PTS: variants seen among roughly 807,000 people sequenced by gnomAD.
The protein encoded by PTS is 6-pyruvoyltetrahydropterin synthase.
PTS carries 23 observed loss-of-function variants against 20.6 expected under a neutral mutation model. The ratio of observed to expected loss-of-function variants is 1.12; its 90% CI spans 0.80 to 1.58. The LOEUF (loss-of-function observed/expected upper bound fraction) is 1.58, where lower values mean the gene tolerates loss of function less well. Among genes scored for constraint, PTS ranks in the 40% most tolerant of loss-of-function variants. PTS has a pLI of 0.00. For synonymous variants in PTS, 65 were observed against 62.5 expected (o/e 1.04, Z -0.19); for missense variants, 186 against 182.4 (o/e 1.02, Z -0.11).
chr11:112,233,145 C>T lies in PTS; in HGVS notation c.244-18C>T, dbSNP rs1414632642. 6.2e-7 allele frequency: 1 copy of T among 1,606,170 alleles called. No homozygotes were observed. The highest frequency in any genetic ancestry group is 8.5e-7 in the Non-Finnish European group (1 of 1,172,900). On this transcript the variant is annotated intron_variant, in intron 4 of 5. Transcript: ENST00000280362. ...CGTAAATGGAGTCAATGATATTTTC[C>T]CTTGGTTTTGTCTCTAGGAGGCGAT...
At chr11:112,229,460 C>CAGA in intron 2 of PTS, 1 of 151,054 alleles carries the variant, frequency 6.6e-6, no homozygotes, top group Non-Finnish European at 1.5e-5. Context: ...GGTGTGATCT[C>CAGA]CCGTCACTAC....
At chr11:112,230,018 C>G (rs1859909686) in intron 2 of PTS, 190 bp from the exon 3 acceptor site, 1 of 641,476 alleles carries the variant, frequency 1.6e-6, no homozygotes, top group Non-Finnish European at 2.7e-6. Flanking sequence ...TTGTGTCTTG[C>G]TTTGGTTGCT....
rs558944919 is a variant in PTS at position 112,227,786 on chromosome 11, C to T, written c.84-808C>T. ...CCACTTCCATGAGCCAAACATCTCC[C>T]ACTAGGCCCCATCTCCAACACTGGG... is the stretch of plus-strand genomic sequence containing the variant. On this transcript the variant is annotated intron_variant, in intron 1 of 5. Transcript: ENST00000280362. Among the ~76,000 whole-genome samples, 11 of 152,262 alleles carry T rather than the reference C, an allele frequency of 7.2e-5. No individual in the cohort carries two copies. In the South Asian group the frequency reaches 2.1e-3, roughly 29 times the overall value.
intron 2 of PTS, chr11:112,229,130 T>G (rs1859900039): frequency 5.5e-6 from 1 of 180,372 alleles, no homozygotes; most frequent in African/African-American, 2.4e-5. Context: ...GAGACTTGAT[T>G]CTTTGAGGTA....
chr11:112,227,060 G>T (rs111991945), intron 1 of PTS, among the ~76,000 whole-genome samples: 2 of 130,956 alleles, frequency 1.5e-5, no homozygotes, highest in East Asian at 4.3e-4. Context: ...GTGGCTAGGA[G>T]AAAAAAAAAA....
At chr11:112,232,915 T>C (rs1437808298) in intron 4 of PTS, among the ~76,000 whole-genome samples, 2 of 152,262 alleles carry the variant, frequency 1.3e-5, no homozygotes, top group African/African-American at 2.4e-5. Context: ...CCAGGAATTC[T>C]CTGCTTTTTG....
chr11:112,228,340 C>G, intron 1 of PTS: 1 of 524,508 alleles, frequency 1.9e-6, no homozygotes, highest in Non-Finnish European at 3.4e-6. Context: ...TGCTGTGGAA[C>G]AAGGGGGTTG....
In PTS at chr11:112,226,453, G is replaced by A; in HGVS notation, c.10G>A (p.Glu4Lys). Reference protein sequence around the residue: MSTEGGGRRCQAQV... With the variant: MSTKGGGRRCQAQV... Reference sequence around the variant, plus strand: ...AGACAGCGCCGGGAAGATGAGCACGGAAGGTGGTGGCCGTCGCTGCCAGGC... The same window carrying A: ...AGACAGCGCCGGGAAGATGAGCACGAAAGGTGGTGGCCGTCGCTGCCAGGC... The change falls in exon 1 of 6, where the codon GAA (glutamate) becomes AAA (lysine). Residue 4 changes from glutamate (E) to lysine (K), a missense_variant. Coordinates refer to ENST00000280362, the MANE Select transcript of PTS (RefSeq NM_000317.3). The A allele has an allele frequency of 1.9e-6, 3 of 1,580,688 alleles. No homozygotes were observed. Among genetic ancestry groups the A allele is most frequent in the Non-Finnish European group, 2.6e-6 (3 of 1,165,506 alleles).
Position 112,226,989 on chromosome 11 carries a change from C to A in PTS, c.83+463C>A, listed in dbSNP as rs576792175. Among the ~76,000 whole-genome samples, 3 of 149,390 alleles carry A rather than the reference C, an allele frequency of 2.0e-5. No homozygotes were observed. The South Asian group carries it at 6.4e-4, about 32-fold the overall frequency. On this transcript the variant is annotated intron_variant, in intron 1 of 5. Transcript: ENST00000280362. The stretch of plus-strand genomic sequence containing the variant: ...TTGGCCACCATATCTAATGTAATTA[C>A]AAGGCAAATTTTAGCCCCTTTTTTA...
Position 112,233,489 on chromosome 11 carries a change from A to G in PTS, c.372A>G (p.Val124=). Residue 124 remains valine, a synonymous_variant, in exon 6 of 6, where the codon GTA becomes GTG. Coordinates refer to ENST00000280362, the MANE Select transcript of PTS (RefSeq NM_000317.3). ...IWDNLQKVLP[V]GVLYKVKVYE... The stretch of plus-strand genomic sequence containing the variant: ...ACAACCTCCAGAAAGTTCTTCCTGT[A>G]GGAGTTCTTTATAAAGTAAAAGTAT... The G allele has an allele frequency of 6.2e-7, 1 of 1,613,500 alleles. No homozygotes were observed. The highest frequency in any genetic ancestry group is 8.5e-7 in the Non-Finnish European group (1 of 1,179,760).
At chr11:112,230,056 G>C (rs372606960) in intron 2 of PTS, 152 bp from the exon 3 acceptor site, 18 of 782,124 alleles carry the variant, frequency 2.3e-5, no homozygotes, top group African/African-American at 2.1e-4. Flanking sequence ...TAAAATAACA[G>C]ATGTTTTGGG....
chr11:112,230,695 T>C lies in PTS; in HGVS notation c.243+13T>C, dbSNP rs1859919037. On this transcript the variant is annotated intron_variant, in intron 4 of 5. Transcript: ENST00000280362. ...AAAATATATGGAGGTAATGGCATGT[T>C]GGGTGCTTATTATGTGCTATTCCCT... The C allele has an allele frequency of 1.9e-6, 3 of 1,601,102 alleles. No individual in the cohort carries two copies. The highest frequency in any genetic ancestry group is 4.5e-5 in the East Asian group (2 of 44,818).
chr11:112,229,934 G>A (rs753216150), intron 2 of PTS, among the ~76,000 whole-genome samples: 42 of 152,266 alleles, frequency 2.8e-4, no homozygotes, highest in Middle Eastern at 3.4e-3. Flanking sequence ...AACATAAGCA[G>A]AATTTACACC....
intron 4 of PTS, among the ~76,000 whole-genome samples, chr11:112,231,080 A>G (rs1336181248): frequency 6.8e-6 from 1 of 147,418 alleles, no homozygotes; most frequent in African/African-American, 2.5e-5. Flanking sequence ...TGGTAGAGGT[A>G]GGGGTCTCAC....
rs1282642346 is a variant in PTS, at chr11:112,231,865, C to CGG, written c.243+1184_243+1185dup. Among the ~76,000 whole-genome samples the CGG allele has an allele frequency of 1.2e-4, 8 of 65,156 alleles. No individual in the cohort carries two copies. The East Asian group carries it at 3.3e-3, about 27-fold the overall frequency. The allele number at this position is 65,156 out of a possible 152,430, so 42.7% of individuals were successfully genotyped here. The stretch of plus-strand genomic sequence containing the variant: ...TATGGGGCAGGGGTTGGGGGGCAGG[C>CGG]GGAGAGAGAGAGAGAGGGAGACAGA... On this transcript the variant is annotated intron_variant, in intron 4 of 5. Coordinates refer to ENST00000280362, the MANE Select transcript of PTS (RefSeq NM_000317.3).
chr11:112,231,153 G>A (rs1031954857), intron 4 of PTS, among the ~76,000 whole-genome samples: 2 of 151,852 alleles, frequency 1.3e-5, no homozygotes, highest in African/African-American at 4.8e-5. Context: ...TGGAATTACA[G>A]GCATGAGCTA....
At chr11:112,227,779 C>G (rs1237580057) in intron 1 of PTS, among the ~76,000 whole-genome samples, 1 of 152,136 alleles carries the variant, frequency 6.6e-6, no homozygotes, top group African/African-American at 2.4e-5. Flanking sequence ...ATGAGCCAAA[C>G]ATCTCCCACT....
rs1444338706 is a variant in PTS at position 112,226,543 on chromosome 11, G to A, written c.83+17G>A. ...ATTGTACAGGTAGGGTGTGCACACAGGTACAGCGGCGGGCGGTGGGCGCCG... is the reference window on the plus strand; with the variant it reads ...ATTGTACAGGTAGGGTGTGCACACAAGTACAGCGGCGGGCGGTGGGCGCCG... On this transcript the variant is annotated intron_variant, in intron 1 of 5. Transcript: ENST00000280362. 4 of 1,534,402 alleles carry A rather than the reference G, an allele frequency of 2.6e-6. No individual in the cohort carries two copies. Among genetic ancestry groups the A allele is most frequent in the Non-Finnish European group, 3.5e-6 (4 of 1,143,102 alleles).
At chr11:112,228,067 T>G (rs1859887983) in intron 1 of PTS, among the ~76,000 whole-genome samples, 1 of 152,208 alleles carries the variant, frequency 6.6e-6, no homozygotes, top group Non-Finnish European at 1.5e-5. Flanking sequence ...AACAGATTGG[T>G]AAAGTTCTCA....
Sources: gnomAD v4.1 joint callset for allele counts (sites outside exome capture counted in the v4.1 genomes callset) on GRCh38, gnomAD v4.1.1 for gene constraint, MANE v1.5 for transcripts, NCBI Gene and HGNC (gene_info 2026-07-23, HGNC 2026-07-21) for gene names.